FARP1: variants seen among roughly 807,000 people sequenced by gnomAD.
The protein encoded by FARP1 is FERM, ARH/RhoGEF and pleckstrin domain protein 1.
A neutral mutation model predicts 128.8 loss-of-function variants in FARP1; 52 were observed. The observed-to-expected ratio is 0.40, with a 90% CI of 0.32 to 0.51. The LOEUF (loss-of-function observed/expected upper bound fraction) is 0.51. Ranked by LOEUF, FARP1 falls within the 20% of genes least tolerant of loss-of-function variation. FARP1 has a pLI of 0.45. For synonymous variants in FARP1, 580 were observed against 551.8 expected, an observed-to-expected ratio of 1.05 and a Z score of -0.72; for missense variants, 1,333 against 1,367.9, an observed-to-expected ratio of 0.97 and a Z score of 0.40.
At chr13:98,269,369 A>G (rs1566815144) in intron 2 of FARP1, among the ~76,000 whole-genome samples, 1 of 152,224 alleles carries the variant, frequency 6.6e-6, no homozygotes, top group Admixed American at 6.5e-5. Flanking sequence ...TTAGCAGGAA[A>G]ATGAGCTTGA....
chr13:98,428,549 C>T lies in FARP1; in HGVS notation c.1906-2494C>T, dbSNP rs141793803. 2.9e-3 allele frequency among the ~76,000 whole-genome samples: 441 copies of T among 152,322 alleles called. 3 individuals carry two copies. The highest frequency in any genetic ancestry group is 9.9e-3 in the African/African-American group (412 of 41,574). ...TGTTCATACAACACAAAACTGACAG[C>T]GCAAAGCCCTCCTGGTTTCTCTATG... On this transcript the variant is annotated intron_variant, in intron 17 of 26. Transcript: ENST00000319562.
chr13:98,227,045 ATT>A (rs1491411642), intron 2 of FARP1, among the ~76,000 whole-genome samples: 11 of 151,434 alleles, frequency 7.3e-5, no homozygotes, highest in African/African-American at 2.7e-4. Flanking sequence ...GGTTCACGTC[ATT>A]CTCTAGCCTC....
Position 98,452,964 on chromosome 13 carries a change from A to T in FARP1, c.*4647A>T. 2.1e-6 allele frequency: 1 copy of T among 482,154 alleles called. No individual in the cohort carries two copies. The highest frequency in any genetic ancestry group is 3.8e-5 in the Admixed American group (1 of 26,406). 29.9% of individuals were successfully genotyped at this position (482,154 alleles called of 1,614,324 possible). ...ATAAAATAAAATGATCGCTGGAAGGAGCTGACCCTCCCCACCCATCTGAGA... is the reference window on the plus strand; with the variant it reads ...ATAAAATAAAATGATCGCTGGAAGGTGCTGACCCTCCCCACCCATCTGAGA... On this transcript the variant is annotated 3_prime_UTR_variant, in exon 27 of 27. Transcript: ENST00000319562.
chr13:98,385,921 T>C, intron 8 of FARP1, 107 bp downstream of exon 8: 1 of 1,230,916 alleles, frequency 8.1e-7, no homozygotes, highest in Non-Finnish European at 1.1e-6. Context: ...GATGGTTATT[T>C]TTCGGCGAAC....
rs1876897232 is a variant in FARP1 at position 98,161,691 on chromosome 13, C to G, written c.-24+18199C>G. On this transcript the variant is annotated intron_variant, in intron 1 of 26. Coordinates refer to ENST00000319562, the MANE Select transcript of FARP1 (RefSeq NM_005766.4). ...GATTTCCCAGAATGTGTATAGAAGGCTTTGGGGACTATGAAGTCCCTACCT... is the reference window on the plus strand; with the variant it reads ...GATTTCCCAGAATGTGTATAGAAGGGTTTGGGGACTATGAAGTCCCTACCT... Among the ~76,000 whole-genome samples the G allele has an allele frequency of 2.6e-5, 4 of 152,214 alleles. No individual in the cohort carries two copies. In the South Asian group the frequency reaches 8.3e-4, roughly 32 times the overall value.
intron 1 of FARP1, among the ~76,000 whole-genome samples, chr13:98,197,886 C>A (rs896366015): frequency 2.0e-5 from 3 of 152,098 alleles, no homozygotes; most frequent in Admixed American, 2.0e-4. Context: ...CCGTTCGCCT[C>A]GTCCTCCCAA....
chr13:98,235,625 C>A (rs954074248), intron 2 of FARP1, among the ~76,000 whole-genome samples: 1 of 152,094 alleles, frequency 6.6e-6, no homozygotes, highest in East Asian at 1.9e-4. Context: ...TTTAAGTACA[C>A]GTTTCACTAG....
chr13:98,236,606 G>C (rs1162776992), intron 2 of FARP1, among the ~76,000 whole-genome samples: 1 of 148,280 alleles, frequency 6.7e-6, no homozygotes, highest in Admixed American at 6.6e-5. Flanking sequence ...AAAAAATTAA[G>C]AAAGTGAGAT....
At chr13:98,229,575 A>G (rs1426236433) in intron 2 of FARP1, among the ~76,000 whole-genome samples, 1 of 151,264 alleles carries the variant, frequency 6.6e-6, no homozygotes, top group Non-Finnish European at 1.5e-5. Context: ...GTCATGGCTC[A>G]CTGCAGCCTC....
intron 24 of FARP1, among the ~76,000 whole-genome samples, chr13:98,441,361 G>T (rs1229818815): frequency 6.6e-6 from 1 of 152,230 alleles, no homozygotes; most frequent in Non-Finnish European, 1.5e-5. Flanking sequence ...TTATTTCATC[G>T]TCATTTTACA....
At position 98,446,828 on chromosome 13, in the gene FARP1, C is replaced by G; in HGVS notation, c.3056+11C>G. 6.2e-7 allele frequency: 1 copy of G among 1,613,812 alleles called. No homozygotes were observed. The highest frequency in any genetic ancestry group is 1.7e-5 in the Admixed American group (1 of 59,998). On this transcript the variant is annotated intron_variant, in intron 26 of 26. Coordinates refer to ENST00000319562, the MANE Select transcript of FARP1 (RefSeq NM_005766.4). Reference sequence around the variant, plus strand: ...GTACACGTTCGAAAGGTAGACACCCCCTTCCCACGCACAGGGCCCTGCAGA... The same window carrying G: ...GTACACGTTCGAAAGGTAGACACCCGCTTCCCACGCACAGGGCCCTGCAGA...
chr13:98,414,505 C>T (rs1293844140), intron 16 of FARP1, among the ~76,000 whole-genome samples: 1 of 152,118 alleles, frequency 6.6e-6, no homozygotes, highest in Admixed American at 6.5e-5. Flanking sequence ...AGCCATAGAC[C>T]AACACAGAGA....
chr13:98,283,694 C>T lies in FARP1; in HGVS notation c.172-60068C>T, dbSNP rs184223123. On this transcript the variant is annotated intron_variant, in intron 2 of 26. Transcript: ENST00000319562. ...GTGCTCTTCTATAATTAGCATATAC[C>T]TTTAAGTGAAATTTTCCTCAGCCTA... Among the ~76,000 whole-genome samples, 89 of 151,998 alleles carry T rather than the reference C, an allele frequency of 5.9e-4. 2 individuals carry two copies. Among genetic ancestry groups the T allele is most frequent in the African/African-American group, 1.6e-3 (65 of 41,544 alleles).
intron 17 of FARP1, among the ~76,000 whole-genome samples, chr13:98,430,302 C>T (rs1221283926): frequency 6.6e-6 from 1 of 152,196 alleles, no homozygotes; most frequent in Admixed American, 6.5e-5. Flanking sequence ...AGAGCAAGCC[C>T]ACTCTGGGAG....
chr13:98,179,992 A>T (rs905751942), intron 1 of FARP1, among the ~76,000 whole-genome samples: 3 of 152,064 alleles, frequency 2.0e-5, no homozygotes, highest in African/African-American at 4.8e-5. Context: ...CACAGAAGAG[A>T]TATCTCCTGC....
At chr13:98,339,597 A>G (rs1328150973) in intron 2 of FARP1, among the ~76,000 whole-genome samples, 1 of 152,154 alleles carries the variant, frequency 6.6e-6, no homozygotes, top group African/African-American at 2.4e-5. Context: ...ACAACCATAG[A>G]TAGAGCCAGT....
intron 2 of FARP1, among the ~76,000 whole-genome samples, chr13:98,277,109 TACACAC>T (rs368911842): frequency 0.014 from 1,662 of 118,186 alleles, 34 homozygotes; most frequent in African/African-American, 0.044. Flanking sequence ...TCTAGAAAAA[TACACAC>T]ACACACACAC....
Position 98,384,715 on chromosome 13 carries a change from T to A in FARP1, c.497-15T>A. On this transcript the variant is annotated splice_polypyrimidine_tract_variant and intron_variant, in intron 6 of 26. Transcript: ENST00000319562. ...CATTCCTACGTGACCTGTTTTTCTT[T>A]CTGTTTCTTTTTAGCTGAGATTGGG... 6.5e-7 allele frequency: 1 copy of A among 1,546,388 alleles called. No homozygotes were observed. The highest frequency in any genetic ancestry group is 8.9e-7 in the Non-Finnish European group (1 of 1,118,544).
chr13:98,439,234 C>T (rs906176925), intron 21 of FARP1, 38 bp downstream of exon 21: 17 of 1,466,814 alleles, frequency 1.2e-5, no homozygotes, highest in African/African-American at 1.1e-4. Flanking sequence ...GGCCTGTCCT[C>T]GGGGGCAGCA....
Sources: gnomAD v4.1 joint callset for allele counts (sites outside exome capture counted in the v4.1 genomes callset) on GRCh38, gnomAD v4.1.1 for gene constraint, MANE v1.5 for transcripts, NCBI Gene and HGNC (gene_info 2026-07-23, HGNC 2026-07-21) for gene names.